Variants in DYNC2LI1 observed in about 807,000 individuals in gnomAD.
DYNC2LI1 encodes dynein cytoplasmic 2 light intermediate chain 1, also known as cytoplasmic dynein 2 light intermediate chain 1.
DYNC2LI1 carries 45 observed loss-of-function variants against 51.9 expected under a neutral mutation model. That is an observed-to-expected ratio of 0.87 (90% CI 0.68 to 1.11). The LOEUF is 1.11. Ranked by LOEUF, DYNC2LI1 falls within the 50% of genes most tolerant of loss-of-function variation. DYNC2LI1 has a pLI of 0.00. For synonymous variants in DYNC2LI1, 130 were observed against 137.8 expected, an observed-to-expected ratio of 0.94 and a Z score of 0.40; for missense variants, 490 against 417.4, an observed-to-expected ratio of 1.17 and a Z score of -1.51.
At chr2:43,811,546 A>G (rs981588292), downstream of DYNC2LI1, among the ~76,000 whole-genome samples, 8 of 152,142 alleles carry the variant, frequency 5.3e-5, no homozygotes, top group Non-Finnish European at 1.2e-4. Flanking sequence ...AGGTTTGTAC[A>G]TGGAATTACT....
At chr2:43,805,937 A>C (rs1666237541) in intron 12 of DYNC2LI1, among the ~76,000 whole-genome samples, 1 of 150,356 alleles carries the variant, frequency 6.7e-6, no homozygotes, top group Non-Finnish European at 1.5e-5. Context: ...GCTGGAGTGC[A>C]GTGGCATGAC....
the DYNC2LI1 span, chr2:43,820,116 C>G: frequency 6.2e-7 from 1 of 1,611,048 alleles, no homozygotes; most frequent in Non-Finnish European, 8.5e-7. Context: ...AAAGCATAAG[C>G]TCTTTAGTTT....
chr2:43,794,718 C>A (rs907470588), intron 6 of DYNC2LI1, 75 bp downstream of exon 6: 9 of 1,608,380 alleles, frequency 5.6e-6, no homozygotes, highest in Non-Finnish European at 7.6e-6. Context: ...CAAACAACTT[C>A]TTTAGATTTT....
chr2:43,799,244 G>T (rs1314465300), intron 8 of DYNC2LI1, among the ~76,000 whole-genome samples: 1 of 152,170 alleles, frequency 6.6e-6, no homozygotes, highest in Non-Finnish European at 1.5e-5. Flanking sequence ...TGAGGCTGCA[G>T]TGAGTTATGA....
At chr2:43,775,436 A>T (rs1672965409) in intron 1 of DYNC2LI1, among the ~76,000 whole-genome samples, 1 of 152,030 alleles carries the variant, frequency 6.6e-6, no homozygotes, top group South Asian at 2.1e-4. Flanking sequence ...TAAAGAAATC[A>T]ATGAAAGGAT....
chr2:43,825,230 T>C, the DYNC2LI1 span, among the ~76,000 whole-genome samples: 1 of 152,134 alleles, frequency 6.6e-6, no homozygotes, highest in African/African-American at 2.4e-5. Flanking sequence ...ATCCCTACCC[T>C]TGTGAGCCTA....
chr2:43,813,756 C>T (rs1346379597), downstream of DYNC2LI1, among the ~76,000 whole-genome samples: 8 of 127,262 alleles, frequency 6.3e-5, no homozygotes, highest in East Asian at 4.6e-4. Context: ...TTCACTCTGC[C>T]GCCCAGGCTG....
intron 10 of DYNC2LI1, among the ~76,000 whole-genome samples, chr2:43,803,758 G>T (rs541413408): frequency 6.6e-6 from 1 of 152,278 alleles, no homozygotes; most frequent in South Asian, 2.1e-4. Context: ...AATGGCTTTC[G>T]CACCAAAGTG....
At chr2:43,816,948 A>C in the DYNC2LI1 span, among the ~76,000 whole-genome samples, 96 of 152,360 alleles carry the variant, frequency 6.3e-4, 2 homozygotes, top group Non-Finnish European at 1.8e-4. Flanking sequence ...CAGCAAAGCT[A>C]ATTTCCTTTG....
chr2:43,777,699 G>A (rs902549104), intron 2 of DYNC2LI1, among the ~76,000 whole-genome samples: 5 of 152,212 alleles, frequency 3.3e-5, no homozygotes, highest in South Asian at 2.1e-4. Flanking sequence ...GCAGGGCTAC[G>A]TGTTCACTGG....
intron 3 of DYNC2LI1, among the ~76,000 whole-genome samples, chr2:43,784,129 T>C (rs138998419): frequency 4.1e-4 from 62 of 152,262 alleles, no homozygotes; most frequent in African/African-American, 1.4e-3. Context: ...TTATAACTTC[T>C]CCAAAATCAT....
At chr2:43,776,329 CAT>C (rs1205071799) in intron 1 of DYNC2LI1, among the ~76,000 whole-genome samples, 1 of 152,088 alleles carries the variant, frequency 6.6e-6, no homozygotes, top group Non-Finnish European at 1.5e-5. Context: ...TACCTAAAAA[CAT>C]AATCTAAAAC....
At chr2:43,814,385 AAC>A (rs1310692887), downstream of DYNC2LI1, 2 of 823,606 alleles carry the variant, frequency 2.4e-6, no homozygotes, top group Non-Finnish European at 4.1e-6. Flanking sequence ...ATTATTATAA[AAC>A]ACAGTTTTTA....
chr2:43,787,205 A>G lies in DYNC2LI1; in HGVS notation c.186A>G (p.Leu62=). ...GAGATGAACCACCAAAACCAACCTT[A>G]GCTTTGGAATATACATATGGAAGAA... ...LDRDEPPKPT[L]ALEYTYGRRA... Residue 62 remains leucine, a synonymous_variant, in exon 4 of 13, where the codon TTA becomes TTG. Coordinates refer to ENST00000260605, the MANE Select transcript of DYNC2LI1 (RefSeq NM_016008.4). 14 of 1,613,488 alleles carry G rather than the reference A, an allele frequency of 8.7e-6. No homozygotes were observed. The highest frequency in any genetic ancestry group is 1.2e-5 in the Non-Finnish European group (14 of 1,179,632).
chr2:43,778,301 C>T (rs868265202), intron 2 of DYNC2LI1, among the ~76,000 whole-genome samples: 7 of 151,972 alleles, frequency 4.6e-5, no homozygotes, highest in Admixed American at 1.3e-4. Context: ...TACAGGCATG[C>T]GCCACCACAC....
At chr2:43,776,328 A>T (rs1004737340) in intron 1 of DYNC2LI1, among the ~76,000 whole-genome samples, 2 of 152,200 alleles carry the variant, frequency 1.3e-5, no homozygotes, top group African/African-American at 4.8e-5. Context: ...TTACCTAAAA[A>T]CATAATCTAA....
the DYNC2LI1 span, chr2:43,826,322 C>T: frequency 6.2e-7 from 1 of 1,610,974 alleles, no homozygotes; most frequent in Non-Finnish European, 8.5e-7. Context: ...CTTGCCCCTG[C>T]CCCTGTGATT....
chr2:43,799,566 A>G (rs1666006848), intron 8 of DYNC2LI1, among the ~76,000 whole-genome samples: 1 of 152,238 alleles, frequency 6.6e-6, no homozygotes, highest in Admixed American at 6.5e-5. Context: ...GCACATTCTA[A>G]TACTACCATT....
the DYNC2LI1 span, chr2:43,823,878 A>G: frequency 5.3e-5 from 85 of 1,607,960 alleles, no homozygotes; most frequent in East Asian, 1.3e-3. Flanking sequence ...GTATTTAGGG[A>G]GAAAGAGGTG....
Sources: allele counts gnomAD v4.1 joint callset (sites outside exome capture counted in the v4.1 genomes callset), GRCh38; gene constraint gnomAD v4.1.1; transcripts MANE v1.5; gene names NCBI Gene and HGNC (gene_info 2026-07-23, HGNC 2026-07-21).